Variants in TJP3 observed in about 807,000 individuals in gnomAD.
TJP3 encodes tight junction protein 3.
Under a neutral mutation model 104.2 loss-of-function variants are expected in TJP3, and 85 were observed. The observed-to-expected ratio is 0.82, with a 90% confidence interval of 0.68 to 0.98. The LOEUF is 0.98. TJP3 is among the 50% of genes least tolerant of loss of function. The pLI is 0.00. For synonymous variants in TJP3, 550 were observed against 550.6 expected (o/e 1.00, Z 0.02); for missense variants, 1,367 against 1,322.8 (o/e 1.03, Z -0.52).
At chr19:3,745,836 T>C (rs2036879947) in intron 15 of TJP3, among the ~76,000 whole-genome samples, 175 bp from the exon 16 acceptor site, 1 of 152,124 alleles carries the variant, frequency 6.6e-6, no homozygotes, top group African/African-American at 2.4e-5. Context: ...CAGGAGGGGA[T>C]GTGAGTGCAG....
intron 1 of TJP3, among the ~76,000 whole-genome samples, chr19:3,723,495 A>G (rs1201247272): frequency 6.6e-6 from 1 of 152,160 alleles, no homozygotes; most frequent in African/African-American, 2.4e-5. Flanking sequence ...GCCTTGAATA[A>G]AAAATAATAA....
At position 3,733,875 on chromosome 19, in the gene TJP3, G is replaced by C; in HGVS notation, c.840G>C (p.Pro280=). 6.2e-7 allele frequency: 1 copy of C among 1,614,176 alleles called. No homozygotes were observed. Among genetic ancestry groups the C allele is most frequent in the Non-Finnish European group, 8.5e-7 (1 of 1,180,022 alleles). The change falls in exon 7 of 21, where the codon CCG becomes CCC. Residue 280 remains proline, a synonymous_variant. Transcript: ENST00000541714. The part of the protein sequence containing the change: ...RDRGQFLVNI[P]PAVSDSDSSP... ...GTGGGCAGTTCCTGGTGAACATTCC[G>C]CCTGCTGTCAGTGACAGCGACAGCT...
intron 12 of TJP3, 24 bp from the exon 13 acceptor site, chr19:3,738,873 C>T (rs2036773124): frequency 6.4e-7 from 1 of 1,553,656 alleles, no homozygotes; most frequent in Admixed American, 1.8e-5. Flanking sequence ...CCAGGCAGCT[C>T]ATGTGGCCTC....
At chr19:3,748,134 G>T in intron 19 of TJP3, 53 bp downstream of exon 19, 1 of 1,487,686 alleles carries the variant, frequency 6.7e-7, no homozygotes. Flanking sequence ...GGGGATGCCA[G>T]CACAGAGCAG....
At chr19:3,729,636 G>C (rs1175071485) in intron 3 of TJP3, among the ~76,000 whole-genome samples, 1 of 151,970 alleles carries the variant, frequency 6.6e-6, no homozygotes, top group African/African-American at 2.4e-5. Flanking sequence ...ACAAAAATTA[G>C]ACGGGTGTGG....
chr19:3,739,118 A>G lies in TJP3; in HGVS notation c.1615A>G (p.Ile539Val). The G allele has an allele frequency of 6.4e-7, 1 of 1,562,608 alleles. No homozygotes were observed. The highest frequency in any genetic ancestry group is 8.7e-7 in the Non-Finnish European group (1 of 1,151,636). ...RDLREQERGI[I>V]PNQSRAEQLA... ...CCTGCGGGAGCAAGAGCGGGGCATC[A>G]TTCCCAACCAGAGCAGGTGGGGACT... is the stretch of plus-strand genomic sequence containing the variant. Residue 539 changes from isoleucine to valine, a missense_variant, in exon 13 of 21, where the codon ATT becomes GTT. Coordinates refer to ENST00000541714, the MANE Select transcript of TJP3 (RefSeq NM_001267560.2).
intron 1 of TJP3, among the ~76,000 whole-genome samples, chr19:3,709,163 T>C (rs2036411062): frequency 6.6e-6 from 1 of 152,142 alleles, no homozygotes; most frequent in Non-Finnish European, 1.5e-5. Flanking sequence ...TTGCCCAGGC[T>C]GGAGTGCAGT....
intron 1 of TJP3, among the ~76,000 whole-genome samples, chr19:3,719,044 C>T (rs1003479114): frequency 3.3e-5 from 5 of 151,710 alleles, no homozygotes; most frequent in South Asian, 2.1e-4. Flanking sequence ...ATTAGCCACG[C>T]GTGGTGGCCG....
chr19:3,748,847 CCT>C (rs1491317697), intron 19 of TJP3, among the ~76,000 whole-genome samples: 3 of 116,260 alleles, frequency 2.6e-5, no homozygotes, highest in African/African-American at 1.0e-4. Flanking sequence ...CTGCACCCGG[CCT>C]TTTTTTTTTT....
At chr19:3,719,043 G>A (rs934256328) in intron 1 of TJP3, among the ~76,000 whole-genome samples, 1 of 151,718 alleles carries the variant, frequency 6.6e-6, no homozygotes, top group African/African-American at 2.4e-5. Flanking sequence ...AATTAGCCAC[G>A]CGTGGTGGCC....
At position 3,750,630 on chromosome 19, in the gene TJP3, T is replaced by G. The variant is rs1328960289; in HGVS notation, c.2706T>G (p.Asp902Glu). Reference protein sequence around the residue: ...ALKKKFMRVHDAESSDEDGYD... With the variant: ...ALKKKFMRVHEAESSDEDGYD... ...AGAAAAAGTTTATGCGAGTACATGA[T>G]GCGGAGTCCTCCGATGAAGACGGCT... The change falls in exon 21 of 21, where the codon GAT (aspartate) becomes GAG (glutamate). Residue 902 changes from aspartate to glutamate, a missense_variant. By Grantham distance (45) the Asp-to-Glu change is conservative. Coordinates refer to ENST00000541714, the MANE Select transcript of TJP3 (RefSeq NM_001267560.2). The G allele has an allele frequency of 1.2e-6, 2 of 1,609,064 alleles. No individual in the cohort carries two copies. The highest frequency in any genetic ancestry group is 3.4e-5 in the Admixed American group (2 of 59,192).
rs549831017 is a variant in TJP3, at chr19:3,745,133, C to CTTTTTTTTTTTTTTT, written c.1940-862_1940-848dup. Among the ~76,000 whole-genome samples the CTTTTTTTTTTTTTTT allele has an allele frequency of 2.0e-4, 14 of 70,046 alleles. 2 individuals are homozygous for CTTTTTTTTTTTTTTT. Among genetic ancestry groups the CTTTTTTTTTTTTTTT allele is most frequent in the African/African-American group, 4.4e-4 (7 of 15,858 alleles). 46.0% of individuals were successfully genotyped at this position (70,046 alleles called of 152,430 possible). A position where few individuals can be genotyped will look rare whatever the true frequency, so the allele number is the denominator to read the frequency against. On this transcript the variant is annotated intron_variant, in intron 15 of 20. Transcript: ENST00000541714. Reference sequence around the variant, plus strand: ...TTAAAAAAAGATGCAAATTTTATGTCTTTTTTTTTTTTTTTTTTTTTTTTT... The same window carrying CTTTTTTTTTTTTTTT: ...TTAAAAAAAGATGCAAATTTTATGTCTTTTTTTTTTTTTTTTTTTTTTTTTTTTTTTTTTTTTTTT...
chr19:3,739,478 G>C (rs2036784084), intron 13 of TJP3, among the ~76,000 whole-genome samples: 1 of 152,178 alleles, frequency 6.6e-6, no homozygotes, highest in Non-Finnish European at 1.5e-5. Context: ...AACAGAGTGA[G>C]ACTCTTGTCT....
chr19:3,715,574 A>C (rs1459549658), intron 1 of TJP3, among the ~76,000 whole-genome samples: 1 of 152,034 alleles, frequency 6.6e-6, no homozygotes, highest in African/African-American at 2.4e-5. Context: ...GGTTGGAGGA[A>C]GACAATGTGT....
intron 9 of TJP3, 51 bp from the exon 10 acceptor site, chr19:3,735,818 G>A: frequency 1.9e-6 from 3 of 1,610,746 alleles, no homozygotes; most frequent in Non-Finnish European, 2.5e-6. Flanking sequence ...AAGGTTTGGA[G>A]GCTGGACTGA....
rs752388350 is a variant in TJP3 at position 3,736,213 on chromosome 19, C to T, written c.1176C>T (p.Ile392=). The stretch of plus-strand genomic sequence containing the variant: ...TCCGCTTCCTCAAGGGCAAGAGCAT[C>T]GGGCTGCGGCTGGCAGGGGGCAATG... ...RVVRFLKGKS[I]GLRLAGGNDV... The change falls in exon 11 of 21, where the codon ATC becomes ATT. Residue 392 remains isoleucine, a synonymous_variant. Coordinates refer to ENST00000541714, the MANE Select transcript of TJP3 (RefSeq NM_001267560.2). 4.4e-6 allele frequency: 7 copies of T among 1,596,504 alleles called. No homozygotes were observed. The highest frequency in any genetic ancestry group is 2.2e-5 in the East Asian group (1 of 44,588).
At chr19:3,726,035 CGCTGGA>C (rs2036592716) in intron 1 of TJP3, among the ~76,000 whole-genome samples, 1 of 152,068 alleles carries the variant, frequency 6.6e-6, no homozygotes, top group Non-Finnish European at 1.5e-5. Flanking sequence ...TCGCTAGAGA[CGCTGGA>C]GCTTATAAGA....
intron 13 of TJP3, among the ~76,000 whole-genome samples, chr19:3,740,282 C>T (rs2036795918): frequency 1.3e-5 from 2 of 152,052 alleles, no homozygotes; most frequent in Admixed American, 6.6e-5. Context: ...GTGGCGGGCA[C>T]CTGTAATCCC....
At chr19:3,722,215 G>A (rs966280427) in intron 1 of TJP3, among the ~76,000 whole-genome samples, 1 of 152,202 alleles carries the variant, frequency 6.6e-6, no homozygotes, top group African/African-American at 2.4e-5. Context: ...ACTATGCTGT[G>A]TGTAACGTGG....
Sources: gnomAD v4.1 joint callset for allele counts (sites outside exome capture counted in the v4.1 genomes callset) on GRCh38, gnomAD v4.1.1 for gene constraint, MANE v1.5 for transcripts, NCBI Gene and HGNC (gene_info 2026-07-23, HGNC 2026-07-21) for gene names.